Variants in DNAAF11 observed in about 807,000 individuals in gnomAD.
DNAAF11 encodes dynein axonemal assembly factor 11.
Under a neutral mutation model 60.8 loss-of-function variants are expected in DNAAF11, and 45 were observed. The observed-to-expected ratio is 0.74, with a 90% CI of 0.58 to 0.95. DNAAF11 has a LOEUF of 0.95. DNAAF11 is among the 40% of genes least tolerant of loss of function. DNAAF11 has a pLI of 0.00. For missense variants in DNAAF11, 546 were observed against 546.2 expected, an observed-to-expected ratio of 1.00 and a Z score of 0.00; for synonymous variants, 191 against 183.5, an observed-to-expected ratio of 1.04 and a Z score of -0.33.
intron 7 of DNAAF11, among the ~76,000 whole-genome samples, chr8:132,619,196 G>GA (rs1164909851): frequency 6.7e-6 from 1 of 148,914 alleles, no homozygotes. Context: ...ACTATCGCAA[G>GA]AACAAAAAAC....
intron 1 of DNAAF11, among the ~76,000 whole-genome samples, chr8:132,668,238 C>G (rs1824827179): frequency 6.6e-6 from 1 of 152,188 alleles, no homozygotes; most frequent in Admixed American, 6.5e-5. Flanking sequence ...CTGACCCAGG[C>G]TCATCATAAT....
chr8:132,585,264 G>C (rs916421774), intron 10 of DNAAF11, among the ~76,000 whole-genome samples: 1 of 152,178 alleles, frequency 6.6e-6, no homozygotes, highest in Non-Finnish European at 1.5e-5. Context: ...TGCAAGACTA[G>C]TCTTTTACAT....
chr8:132,631,485 G>A (rs1271082293), intron 5 of DNAAF11, among the ~76,000 whole-genome samples: 1 of 152,110 alleles, frequency 6.6e-6, no homozygotes, highest in Admixed American at 6.5e-5. Flanking sequence ...AAAACATAAT[G>A]TTGCATGAAA....
Position 132,671,639 on chromosome 8 carries a change from C to T in DNAAF11, c.10+3845G>A, listed in dbSNP as rs189531436. On this transcript the variant is annotated intron_variant, in intron 1 of 11. Coordinates refer to ENST00000620350, the MANE Select transcript of DNAAF11 (RefSeq NM_012472.6). ...TTTCAAGACTACTTATTACAAAGCTCCAGTAATCAAGACAGTGTGAAATTG... is the reference window on the plus strand; with the variant it reads ...TTTCAAGACTACTTATTACAAAGCTTCAGTAATCAAGACAGTGTGAAATTG... Among the ~76,000 whole-genome samples the T allele has an allele frequency of 1.2e-4, 19 of 152,096 alleles. No individual in the cohort carries two copies. The East Asian group carries it at 3.5e-3, about 28-fold the overall frequency.
intron 3 of DNAAF11, among the ~76,000 whole-genome samples, chr8:132,641,834 C>T (rs1171569069): frequency 1.3e-5 from 2 of 152,144 alleles, no homozygotes; most frequent in Middle Eastern, 3.2e-3. Context: ...AACTCTAATA[C>T]ATCTATTCAA....
At chr8:132,639,417 T>C (rs1449769045) in intron 3 of DNAAF11, among the ~76,000 whole-genome samples, 1 of 152,216 alleles carries the variant, frequency 6.6e-6, no homozygotes, top group Non-Finnish European at 1.5e-5. Context: ...CTACACACCC[T>C]TCCATTATCA....
chr8:132,600,356 T>C lies in DNAAF11; in HGVS notation c.1140+9810A>G, dbSNP rs533270828. On this transcript the variant is annotated intron_variant, in intron 10 of 11. Coordinates refer to ENST00000620350, the MANE Select transcript of DNAAF11 (RefSeq NM_012472.6). ...AAAATGGCCATACTGCCCAAGGTAATTTATAGATTCAATGCCATCCCCATC... is the reference window on the plus strand; with the variant it reads ...AAAATGGCCATACTGCCCAAGGTAACTTATAGATTCAATGCCATCCCCATC... Among the ~76,000 whole-genome samples the C allele has an allele frequency of 5.8e-3, 876 of 152,248 alleles. 13 individuals carry two copies. The highest frequency in any genetic ancestry group is 0.02 in the African/African-American group (842 of 41,522).
intron 6 of DNAAF11, among the ~76,000 whole-genome samples, chr8:132,623,381 C>T (rs190676936): frequency 2.0e-5 from 3 of 151,560 alleles, no homozygotes; most frequent in African/African-American, 7.3e-5. Flanking sequence ...AAAAAGACCC[C>T]AAATCCTACA....
chr8:132,597,400 A>G (rs1817124607), intron 10 of DNAAF11, among the ~76,000 whole-genome samples: 1 of 151,978 alleles, frequency 6.6e-6, no homozygotes, highest in Non-Finnish European at 1.5e-5. Context: ...CGCAAAGCTG[A>G]TTCCATTCTT....
chr8:132,682,209 A>T, the DNAAF11 span, among the ~76,000 whole-genome samples: 1 of 152,174 alleles, frequency 6.6e-6, no homozygotes. Context: ...GTTCATAAAA[A>T]TCCTTGCAGC....
chr8:132,608,526 G>C (rs1001002764), intron 10 of DNAAF11: 4 of 441,392 alleles, frequency 9.1e-6, no homozygotes, highest in African/African-American at 4.0e-5. Flanking sequence ...AGTGACAGTA[G>C]AGCTTTTCTC....
chr8:132,697,569 G>C, the DNAAF11 span, among the ~76,000 whole-genome samples: 1 of 151,444 alleles, frequency 6.6e-6, no homozygotes, highest in Non-Finnish European at 1.5e-5. Flanking sequence ...AGTGAGCTGA[G>C]ATTTTGCCAC....
intron 11 of DNAAF11, among the ~76,000 whole-genome samples, chr8:132,580,239 A>G (rs868351941): frequency 1.3e-5 from 2 of 152,202 alleles, no homozygotes; most frequent in African/African-American, 4.8e-5. Flanking sequence ...TGCTGCCCTC[A>G]CTCCACTACT....
chr8:132,675,536 C>G lies in DNAAF11; in HGVS notation c.-43G>C. 6.4e-7 allele frequency: 1 copy of G among 1,553,464 alleles called. No individual in the cohort carries two copies. The highest frequency in any genetic ancestry group is 8.7e-7 in the Non-Finnish European group (1 of 1,145,002). On this transcript the variant is annotated 5_prime_UTR_variant, in exon 1 of 12. Coordinates refer to ENST00000620350, the MANE Select transcript of DNAAF11 (RefSeq NM_012472.6). ...CTGACCCCGCAAGCCGGACCCGGAC[C>G]TCGAATGACGCTTTTCACCCTTCAC... is the stretch of plus-strand genomic sequence containing the variant.
chr8:132,641,886 A>G (rs1209557942), intron 3 of DNAAF11, among the ~76,000 whole-genome samples: 1 of 152,220 alleles, frequency 6.6e-6, no homozygotes, highest in Non-Finnish European at 1.5e-5. Context: ...GGTTATGAAA[A>G]CGATCACAGC....
At chr8:132,621,937 T>C (rs1054114769) in intron 7 of DNAAF11, among the ~76,000 whole-genome samples, 2 of 152,226 alleles carry the variant, frequency 1.3e-5, no homozygotes, top group African/African-American at 2.4e-5. Context: ...ACCTTCACCA[T>C]GGTCATGACA....
At chr8:132,628,611 T>G (rs1026517403) in intron 5 of DNAAF11, among the ~76,000 whole-genome samples, 1 of 152,162 alleles carries the variant, frequency 6.6e-6, no homozygotes, top group East Asian at 1.9e-4. Flanking sequence ...TTCTCTGTAG[T>G]GTTTCTTCTT....
At chr8:132,581,841 CAT>C (rs1815375136) in intron 11 of DNAAF11, among the ~76,000 whole-genome samples, 2 of 152,120 alleles carry the variant, frequency 1.3e-5, no homozygotes, top group Admixed American at 6.5e-5. Context: ...ACAGACAACA[CAT>C]AGCATCATGT....
chr8:132,647,350 T>G (rs1263130689), intron 3 of DNAAF11, among the ~76,000 whole-genome samples: 1 of 152,114 alleles, frequency 6.6e-6, no homozygotes, highest in African/African-American at 2.4e-5. Flanking sequence ...ACAGAATCTC[T>G]GGGACACATT....
Sources: gnomAD v4.1 joint callset for allele counts (sites outside exome capture counted in the v4.1 genomes callset) on GRCh38, gnomAD v4.1.1 for gene constraint, MANE v1.5 for transcripts, NCBI Gene and HGNC (gene_info 2026-07-23, HGNC 2026-07-21) for gene names.